The following FHIT variants were observed in gnomAD, a reference collection of about 807,000 sequenced individuals.
The protein encoded by FHIT is fragile histidine triad diadenosine triphosphatase.
Under a neutral mutation model 17.9 loss-of-function variants are expected in FHIT, and 19 were observed. The observed-to-expected ratio is 1.06, with a 90% CI of 0.74 to 1.56. The LOEUF (loss-of-function observed/expected upper bound fraction) is 1.56. Among genes scored for constraint, FHIT ranks in the 40% most tolerant of loss-of-function variants. The probability of loss-of-function intolerance (pLI) is 0.00; values close to 1 mark genes in which losing one functional copy is unlikely to be tolerated. For missense variants in FHIT, 248 were observed against 189.2 expected (o/e 1.31, Z -1.82); for synonymous variants, 81 against 69.7 (o/e 1.16, Z -0.81).
chr3:60,168,834 T>C (rs748609046), intron 5 of FHIT, among the ~76,000 whole-genome samples: 17 of 151,908 alleles, frequency 1.1e-4, no homozygotes, highest in Non-Finnish European at 2.4e-4. Flanking sequence ...CAGTCAAGCA[T>C]CTGAAGATTC....
chr3:60,797,485 T>C (rs924013345), intron 4 of FHIT, among the ~76,000 whole-genome samples: 1 of 142,030 alleles, frequency 7.0e-6, no homozygotes, highest in Non-Finnish European at 1.6e-5. Flanking sequence ...GTAGTAGTAG[T>C]AGTAGTAGTA....
At chr3:59,946,200 A>C (rs967974571) in intron 7 of FHIT, among the ~76,000 whole-genome samples, 2 of 152,098 alleles carry the variant, frequency 1.3e-5, no homozygotes, top group African/African-American at 4.8e-5. Flanking sequence ...GATTTCTTTC[A>C]GGAGTGTTTT....
intron 2 of FHIT, among the ~76,000 whole-genome samples, chr3:61,086,044 T>C (rs2035295366): frequency 6.6e-6 from 1 of 152,180 alleles, no homozygotes; most frequent in Non-Finnish European, 1.5e-5. Flanking sequence ...TAATTATATG[T>C]TCTGCAAATA....
chr3:60,557,338 T>C (rs1341073943), intron 4 of FHIT, among the ~76,000 whole-genome samples: 1 of 152,122 alleles, frequency 6.6e-6, no homozygotes, highest in African/African-American at 2.4e-5. Context: ...TGTACTTTTT[T>C]CATGTAAATG....
At chr3:60,489,382 T>A (rs1020139558) in intron 5 of FHIT, among the ~76,000 whole-genome samples, 1 of 152,190 alleles carries the variant, frequency 6.6e-6, no homozygotes, top group African/African-American at 2.4e-5. Flanking sequence ...TCCAATAATG[T>A]CCAACTTAAT....
At chr3:60,572,361 T>C (rs773699316) in intron 4 of FHIT, among the ~76,000 whole-genome samples, 5 of 152,056 alleles carry the variant, frequency 3.3e-5, no homozygotes, top group Non-Finnish European at 7.4e-5. Flanking sequence ...TGAGCATGTG[T>C]AGGTTAGATT....
intron 5 of FHIT, among the ~76,000 whole-genome samples, chr3:60,258,587 A>G: frequency 6.6e-6 from 1 of 152,074 alleles, no homozygotes; most frequent in Admixed American, 6.6e-5. Context: ...GGGGAAAAAT[A>G]TATTTTCCTC....
Position 60,128,894 on chromosome 3 carries a change from T to G in FHIT, c.104-114742A>C, listed in dbSNP as rs34600946. Among the ~76,000 whole-genome samples, 3 of 152,174 alleles carry G rather than the reference T, an allele frequency of 2.0e-5. 1 individual carries two copies. The South Asian group carries it at 6.2e-4, about 32-fold the overall frequency. On this transcript the variant is annotated intron_variant, in intron 5 of 9. Transcript: ENST00000492590. ...TCCTAACACAGTTCTTTGCACATAA[T>G]AGACATTCATTTTGCAGGACAGATA...
chr3:60,616,850 C>A (rs2038965722), intron 4 of FHIT: 1 of 152,350 alleles, frequency 6.6e-6, no homozygotes, highest in Admixed American at 6.5e-5. Flanking sequence ...TTTGGGCTAC[C>A]TGACTATTAT....
chr3:60,592,559 C>A (rs1553664760), intron 4 of FHIT, among the ~76,000 whole-genome samples: 2 of 152,190 alleles, frequency 1.3e-5, no homozygotes, highest in Admixed American at 6.5e-5. Context: ...TTCTCCTAGC[C>A]CAAGATGGCA....
At chr3:60,808,814 G>T (rs1701481278) in intron 4 of FHIT, among the ~76,000 whole-genome samples, 1 of 152,182 alleles carries the variant, frequency 6.6e-6, no homozygotes, top group Non-Finnish European at 1.5e-5. Context: ...AAGGTCAGAT[G>T]AAAAACTTGG....
chr3:59,759,687 G>T (rs921777442), intron 8 of FHIT, among the ~76,000 whole-genome samples: 2 of 152,072 alleles, frequency 1.3e-5, no homozygotes, highest in Admixed American at 1.3e-4. Flanking sequence ...ATGCTTTCAT[G>T]CTTCTGGCAC....
rs74665890 is a variant in FHIT, at chr3:60,393,961, G to A, written c.103+142899C>T. 3.1e-3 allele frequency among the ~76,000 whole-genome samples: 467 copies of A among 152,230 alleles called. 5 individuals carry two copies. Among genetic ancestry groups the A allele is most frequent in the Middle Eastern group, 3.4e-3 (1 of 294 alleles). ...TTGTTCCCAGCTTGGATTGATCCAGGAAGATGTCTAAAGAAAGCTGGACCA... is the reference window on the plus strand; with the variant it reads ...TTGTTCCCAGCTTGGATTGATCCAGAAAGATGTCTAAAGAAAGCTGGACCA... On this transcript the variant is annotated intron_variant, in intron 5 of 9. Transcript: ENST00000492590.
At chr3:61,237,499 T>C (rs536179896) in intron 1 of FHIT, among the ~76,000 whole-genome samples, 1 of 152,238 alleles carries the variant, frequency 6.6e-6, no homozygotes, top group African/African-American at 2.4e-5. Context: ...GATTTCTACA[T>C]TTATTTGATG....
At chr3:61,025,804 C>T (rs570207052) in intron 3 of FHIT, among the ~76,000 whole-genome samples, 5 of 152,272 alleles carry the variant, frequency 3.3e-5, no homozygotes, top group East Asian at 1.9e-4. Context: ...GGTGATTCTA[C>T]GTAGCTTTTG....
intron 5 of FHIT, among the ~76,000 whole-genome samples, chr3:60,062,781 G>C (rs1402953029): frequency 6.6e-6 from 1 of 151,864 alleles, no homozygotes; most frequent in Non-Finnish European, 1.5e-5. Flanking sequence ...TTGTTTTTTT[G>C]GTTTGAGAAA....
At chr3:60,250,439 C>G (rs1490278665) in intron 5 of FHIT, among the ~76,000 whole-genome samples, 12 of 152,162 alleles carry the variant, frequency 7.9e-5, no homozygotes. Flanking sequence ...TTCCTAAGGA[C>G]CCCCTCGGCC....
At chr3:60,070,695 C>T (rs546005200) in intron 5 of FHIT, among the ~76,000 whole-genome samples, 10 of 152,328 alleles carry the variant, frequency 6.6e-5, no homozygotes, top group Admixed American at 6.5e-5. Flanking sequence ...CCATTGCAGA[C>T]TGCGAGGCAG....
intron 4 of FHIT, among the ~76,000 whole-genome samples, chr3:60,667,476 C>T (rs2040407521): frequency 6.6e-6 from 1 of 151,688 alleles, no homozygotes; most frequent in African/African-American, 2.4e-5. Context: ...TGTTTTATAA[C>T]TTCTATTTCT....
Sources: gnomAD v4.1 joint callset for allele counts (sites outside exome capture counted in the v4.1 genomes callset) on GRCh38, gnomAD v4.1.1 for gene constraint, MANE v1.5 for transcripts, NCBI Gene and HGNC (gene_info 2026-07-23, HGNC 2026-07-21) for gene names.